ABL1: variants seen among roughly 807,000 people sequenced by gnomAD.
ABL1 encodes the protein ABL proto-oncogene 1, non-receptor tyrosine kinase.
A neutral mutation model predicts 94.7 loss-of-function variants in ABL1; 11 were observed. The observed-to-expected ratio is 0.12, with a 90% confidence interval of 0.07 to 0.19. The LOEUF is 0.19. Among genes scored for constraint, ABL1 ranks in the 10% least tolerant of loss-of-function variants. ABL1 has a pLI of 1.00. For synonymous variants in ABL1, 656 were observed against 622.4 expected, an observed-to-expected ratio of 1.05 and a Z score of -0.80; for missense variants, 1,082 against 1,489.4, an observed-to-expected ratio of 0.73 and a Z score of 4.50.
chr9:130,793,180 T>C (rs1294213587), intron 1 of ABL1, among the ~76,000 whole-genome samples: 1 of 152,028 alleles, frequency 6.6e-6, no homozygotes, highest in African/African-American at 2.4e-5. Context: ...CCCGCCTCAG[T>C]CTCCCAAAGT....
intron 1 of ABL1, among the ~76,000 whole-genome samples, chr9:130,839,379 T>G (rs4740207): frequency 0.1 from 15,531 of 152,258 alleles, 962 homozygotes; most frequent in African/African-American, 0.18. Flanking sequence ...TGCTCTCTCC[T>G]GAGGTCATCA....
At chr9:130,832,297 G>T (rs1588257234), upstream of ABL1, among the ~76,000 whole-genome samples, 2 of 143,790 alleles carry the variant, frequency 1.4e-5, no homozygotes, top group African/African-American at 2.6e-5. Context: ...TAATTTTTTT[G>T]TACTTTTAGT....
chr9:130,724,638 C>CT (rs1021618297), intron 1 of ABL1: 2 of 255,504 alleles, frequency 7.8e-6, no homozygotes, highest in African/African-American at 4.5e-5. Flanking sequence ...GGTGAAAACC[C>CT]ATCTTTACTT....
At chr9:130,869,714 TCAG>T (rs1398118105) in intron 4 of ABL1, among the ~76,000 whole-genome samples, 2 of 152,238 alleles carry the variant, frequency 1.3e-5, no homozygotes, top group Non-Finnish European at 2.9e-5. Context: ...AGAATTTTCT[TCAG>T]CAAAATGATA....
At chr9:130,844,723 C>A (rs1830734938) in intron 1 of ABL1, among the ~76,000 whole-genome samples, 1 of 152,106 alleles carries the variant, frequency 6.6e-6, no homozygotes, top group African/African-American at 2.4e-5. Context: ...CTCACTTGAA[C>A]CCGGGAGGCG....
intron 1 of ABL1, among the ~76,000 whole-genome samples, chr9:130,799,431 C>T (rs1220205163): frequency 6.6e-6 from 1 of 152,104 alleles, no homozygotes; most frequent in Non-Finnish European, 1.5e-5. Flanking sequence ...GTCCAATAAC[C>T]CATGGAAAGT....
chr9:130,723,162 G>A (rs1166578137), intron 1 of ABL1, among the ~76,000 whole-genome samples: 1 of 152,192 alleles, frequency 6.6e-6, no homozygotes, highest in African/African-American at 2.4e-5. Flanking sequence ...TCTCTGCCCT[G>A]TGCCTCTGCA....
intron 1 of ABL1, among the ~76,000 whole-genome samples, chr9:130,778,867 G>A (rs1205219745): frequency 6.6e-6 from 1 of 151,882 alleles, no homozygotes; most frequent in African/African-American, 2.4e-5. Flanking sequence ...GGATTCCTAC[G>A]GGTAGGAAAA....
At chr9:130,724,296 CT>C (rs2132680098) in intron 1 of ABL1, among the ~76,000 whole-genome samples, 1 of 152,204 alleles carries the variant, frequency 6.6e-6, no homozygotes, top group East Asian at 1.9e-4. Flanking sequence ...AAAAAAAATT[CT>C]TGATAAGAAT....
chr9:130,844,370 C>T (rs904443886), intron 1 of ABL1, among the ~76,000 whole-genome samples: 4 of 152,100 alleles, frequency 2.6e-5, no homozygotes, highest in Admixed American at 6.5e-5. Context: ...CTGATATGGG[C>T]GTCAATGGCA....
intron 1 of ABL1, among the ~76,000 whole-genome samples, chr9:130,730,292 T>G (rs1831647914): frequency 6.6e-6 from 1 of 151,994 alleles, no homozygotes; most frequent in South Asian, 2.1e-4. Flanking sequence ...TCCGCCCACC[T>G]CGGCCTCCCA....
chr9:130,772,158 T>G lies in ABL1; in HGVS notation c.136+57703T>G, dbSNP rs188106538. Among the ~76,000 whole-genome samples, 8 of 152,342 alleles carry G rather than the reference T, an allele frequency of 5.3e-5. No homozygotes were observed. The East Asian group carries it at 9.6e-4, about 18-fold the overall frequency. On this transcript the variant is annotated intron_variant, in intron 1 of 10. Transcript: ENST00000372348. ...TGAAGCACAGTATTTCCCTGCCTTTTAGATTTGAAATGGATACTTCTAAGC... is the reference window on the plus strand; with the variant it reads ...TGAAGCACAGTATTTCCCTGCCTTTGAGATTTGAAATGGATACTTCTAAGC...
chr9:130,872,800 AGTT>A lies in ABL1; in HGVS notation c.908-56_908-54del. The A allele has an allele frequency of 6.6e-7, 1 of 1,521,038 alleles. No individual in the cohort carries two copies. Among genetic ancestry groups the A allele is most frequent in the East Asian group, 2.3e-5 (1 of 43,698 alleles). The allele number at this position is 1,521,038 out of a possible 1,614,324, so 94.2% of individuals were successfully genotyped here. On this transcript the variant is annotated intron_variant, in intron 5 of 10. Transcript: ENST00000318560. This position sits in a 1 kb window ranked among gnomAD's most constrained non-coding sequence, Gnocchi z 5.0. ...CCTTCAGAAGGCTTTTTCTTTAGAC[AGTT>A]GTTTGTTCAGTTGGGAGCGGAGCCA...
intron 1 of ABL1, among the ~76,000 whole-genome samples, chr9:130,804,983 C>T (rs977585143): frequency 6.6e-6 from 1 of 152,234 alleles, no homozygotes; most frequent in African/African-American, 2.4e-5. Flanking sequence ...GACAGAGTAT[C>T]TCCTCATAAG....
rs1831606473 is a variant in ABL1, at chr9:130,727,756, C to CG, written c.136+13301_136+13302insG. 1.5e-5 allele frequency among the ~76,000 whole-genome samples: 2 copies of CG among 132,136 alleles called. 1 individual carries two copies. The highest frequency in any genetic ancestry group is 6.8e-5 in the African/African-American group (2 of 29,574). 86.7% of individuals were successfully genotyped at this position (132,136 alleles called of 152,430 possible). On this transcript the variant is annotated intron_variant, in intron 1 of 10. Coordinates refer to the ABL1 transcript ENST00000372348. ...GGGTGACAGAGTGAGACACCGCCCC[C>CG]CCCCCCCAAAAAAAAGCATTTATTA...
At chr9:130,806,119 T>C (rs969901670) in intron 1 of ABL1, among the ~76,000 whole-genome samples, 4 of 152,164 alleles carry the variant, frequency 2.6e-5, no homozygotes, top group Admixed American at 1.3e-4. Flanking sequence ...TCTGCAAACC[T>C]CATGTCTACA....
intron 1 of ABL1, among the ~76,000 whole-genome samples, chr9:130,766,632 C>G (rs1325521660): frequency 1.3e-5 from 2 of 152,152 alleles, no homozygotes; most frequent in African/African-American, 2.4e-5. Context: ...TCATCTCCCC[C>G]CAGGGCCTTG....
At chr9:130,775,909 G>A (rs1457269193) in intron 1 of ABL1, among the ~76,000 whole-genome samples, 2 of 152,098 alleles carry the variant, frequency 1.3e-5, no homozygotes, top group African/African-American at 4.8e-5. Flanking sequence ...AGAAGACAGT[G>A]GAACAGTATC....
intron 1 of ABL1, among the ~76,000 whole-genome samples, chr9:130,745,020 A>T (rs1188355193): frequency 6.6e-6 from 1 of 151,880 alleles, no homozygotes; most frequent in Non-Finnish European, 1.5e-5. Flanking sequence ...TTTATCTGAG[A>T]CAAAGTGGGC....
Sources: allele counts gnomAD v4.1 joint callset (sites outside exome capture counted in the v4.1 genomes callset), GRCh38; gene constraint gnomAD v4.1.1; non-coding constraint Gnocchi (gnomAD v3.1); transcripts MANE v1.5; gene names NCBI Gene and HGNC (gene_info 2026-07-23, HGNC 2026-07-21).